Variants in CDH13 observed in about 807,000 individuals in gnomAD.
CDH13 encodes the protein cadherin-13.
In CDH13, 24 loss-of-function variants were observed where a neutral mutation model predicts 63.8. The observed-to-expected ratio is 0.38, with a 90% CI of 0.27 to 0.53. The LOEUF (loss-of-function observed/expected upper bound fraction) is 0.53, where lower values mean the gene tolerates loss of function less well. Ranked by LOEUF, CDH13 falls within the 20% of genes least tolerant of loss-of-function variation. CDH13 has a pLI of 0.85. For synonymous variants in CDH13, 503 were observed against 355.3 expected, an observed-to-expected ratio of 1.42 and a Z score of -4.67; for missense variants, 1,049 against 903.1, an observed-to-expected ratio of 1.16 and a Z score of -2.07.
chr16:82,976,137 G>C (rs1467380445), intron 2 of CDH13, among the ~76,000 whole-genome samples: 7 of 152,212 alleles, frequency 4.6e-5, no homozygotes. Context: ...GATTTGTGGA[G>C]AGTTAAAAAG....
intron 1 of CDH13, among the ~76,000 whole-genome samples, chr16:82,770,585 G>A (rs541144123): frequency 6.6e-6 from 1 of 152,224 alleles, no homozygotes; most frequent in South Asian, 2.1e-4. Context: ...GAGTTATATT[G>A]ACATTCCATA....
At chr16:83,496,376 C>G (rs1598154070) in intron 7 of CDH13, among the ~76,000 whole-genome samples, 1 of 150,586 alleles carries the variant, frequency 6.6e-6, no homozygotes, top group Admixed American at 6.6e-5. Context: ...ACTATCTGAT[C>G]TTTGACAAAC....
At chr16:83,055,939 C>A (rs1182536322) in intron 3 of CDH13, among the ~76,000 whole-genome samples, 2 of 152,118 alleles carry the variant, frequency 1.3e-5, no homozygotes, top group Admixed American at 6.6e-5. Context: ...GAAAAAAAAT[C>A]TTTGTAATAT....
At chr16:83,135,266 G>A (rs955416124) in intron 4 of CDH13, among the ~76,000 whole-genome samples, 1 of 152,172 alleles carries the variant, frequency 6.6e-6, no homozygotes, top group Non-Finnish European at 1.5e-5. Context: ...CTTAAAGAAC[G>A]GCAATGCTGA....
chr16:83,380,136 G>A (rs2091536538), intron 6 of CDH13, among the ~76,000 whole-genome samples: 1 of 152,032 alleles, frequency 6.6e-6, no homozygotes, highest in Non-Finnish European at 1.5e-5. Flanking sequence ...GAGAGTGGTT[G>A]TCATTGGTAA....
chr16:83,180,210 C>T (rs576441549), intron 4 of CDH13, among the ~76,000 whole-genome samples: 113 of 151,872 alleles, frequency 7.4e-4, no homozygotes, highest in Non-Finnish European at 1.2e-3. Context: ...TCACATAGCC[C>T]TAAATCAATC....
chr16:83,632,429 G>T (rs1326791897), intron 8 of CDH13, among the ~76,000 whole-genome samples: 2 of 152,078 alleles, frequency 1.3e-5, no homozygotes, highest in Non-Finnish European at 2.9e-5. Context: ...CTCCGTGCAT[G>T]ACAAGGTGCT....
chr16:83,282,313 C>T (rs1224101600), intron 5 of CDH13, among the ~76,000 whole-genome samples: 2 of 152,034 alleles, frequency 1.3e-5, no homozygotes, highest in African/African-American at 4.8e-5. Flanking sequence ...TACCAAAACA[C>T]AAAGTGAGAA....
At chr16:82,912,534 G>A (rs1597199064) in intron 2 of CDH13, among the ~76,000 whole-genome samples, 1 of 152,346 alleles carries the variant, frequency 6.6e-6, no homozygotes, top group East Asian at 1.9e-4. Flanking sequence ...TGATGACTAT[G>A]ACAGGTGGGA....
chr16:83,194,123 TGAA>T (rs1248618057), intron 4 of CDH13, among the ~76,000 whole-genome samples: 1 of 152,254 alleles, frequency 6.6e-6, no homozygotes, highest in African/African-American at 2.4e-5. Context: ...TTTGCGAATA[TGAA>T]GAATGGTTTT....
Position 83,722,349 on chromosome 16 carries a change from T to C in CDH13, c.1539-25759T>C, listed in dbSNP as rs560216280. ...TGTCCAACCCCACAAAGGGGATCCCTGTTATTCGTAGGGAGATGGTGTAGC... is the reference window on the plus strand; with the variant it reads ...TGTCCAACCCCACAAAGGGGATCCCCGTTATTCGTAGGGAGATGGTGTAGC... On this transcript the variant is annotated intron_variant, in intron 10 of 13. Transcript: ENST00000567109. Among the ~76,000 whole-genome samples, 8 of 152,324 alleles carry C rather than the reference T, an allele frequency of 5.3e-5. No individual in the cohort carries two copies. The South Asian group carries it at 1.7e-3, about 32-fold the overall frequency.
intron 2 of CDH13, among the ~76,000 whole-genome samples, chr16:83,020,840 C>T (rs1421867033): frequency 1.3e-5 from 2 of 152,206 alleles, no homozygotes; most frequent in African/African-American, 2.4e-5. Flanking sequence ...CATCAAAACA[C>T]AATCAGGGTC....
At chr16:83,423,253 A>G (rs565965493) in intron 6 of CDH13, among the ~76,000 whole-genome samples, 1 of 152,340 alleles carries the variant, frequency 6.6e-6, no homozygotes, top group East Asian at 1.9e-4. Flanking sequence ...CATTTTCAAC[A>G]TGACATGTCA....
chr16:83,790,390 T>G lies in CDH13; in HGVS notation c.2135-4633T>G, dbSNP rs1433065963. Among the ~76,000 whole-genome samples the G allele has an allele frequency of 4.0e-5, 6 of 151,826 alleles. No individual in the cohort carries two copies. In the East Asian group the frequency reaches 9.6e-4, roughly 24 times the overall value. Reference sequence around the variant, plus strand: ...AAAATGAAATGATTTTTACTGTCAGTTTTTTTTGTTTTGTTTTGTTTTGTT... The same window carrying G: ...AAAATGAAATGATTTTTACTGTCAGGTTTTTTTGTTTTGTTTTGTTTTGTT... On this transcript the variant is annotated intron_variant, in intron 13 of 13. Transcript: ENST00000567109.
chr16:82,810,709 C>T (rs987041189), intron 1 of CDH13, among the ~76,000 whole-genome samples: 1 of 152,090 alleles, frequency 6.6e-6, no homozygotes, highest in Non-Finnish European at 1.5e-5. Context: ...GGGGTGCTCC[C>T]AACCCTTCAG....
At position 83,003,280 on chromosome 16, in the gene CDH13, A is replaced by G. The variant is rs538022093; in HGVS notation, c.158-28730A>G. ...AGAGGACTGTAGTTTGGAAAAGGTCAAGGGCTGTGGATTGCCATCTCTCAT... is the reference window on the plus strand; with the variant it reads ...AGAGGACTGTAGTTTGGAAAAGGTCGAGGGCTGTGGATTGCCATCTCTCAT... On this transcript the variant is annotated intron_variant, in intron 2 of 13. Coordinates refer to ENST00000567109, the MANE Select transcript of CDH13 (RefSeq NM_001257.5). Among the ~76,000 whole-genome samples, 28 of 152,280 alleles carry G rather than the reference A, an allele frequency of 1.8e-4. No individual in the cohort carries two copies. The South Asian group carries it at 5.6e-3, about 30-fold the overall frequency.
At chr16:83,490,235 C>A (rs1356720890) in intron 7 of CDH13, among the ~76,000 whole-genome samples, 1 of 152,098 alleles carries the variant, frequency 6.6e-6, no homozygotes, top group Non-Finnish European at 1.5e-5. Context: ...CCAAGGAGGA[C>A]CCCAGCAGGA....
At chr16:83,416,690 G>T (rs2151464351) in intron 6 of CDH13, among the ~76,000 whole-genome samples, 1 of 152,238 alleles carries the variant, frequency 6.6e-6, no homozygotes, top group East Asian at 1.9e-4. Context: ...ATGTCCTTCA[G>T]GCACTATTCA....
intron 2 of CDH13, among the ~76,000 whole-genome samples, chr16:82,955,567 G>A (rs904266899): frequency 6.6e-6 from 1 of 151,418 alleles, no homozygotes; most frequent in African/African-American, 2.4e-5. Context: ...TATACAGGTG[G>A]CAGTTCATTA....
Sources: allele counts gnomAD v4.1 joint callset (sites outside exome capture counted in the v4.1 genomes callset), GRCh38; gene constraint gnomAD v4.1.1; transcripts MANE v1.5; gene names NCBI Gene and HGNC (gene_info 2026-07-23, HGNC 2026-07-21).